Variants in DPYD observed in about 807,000 individuals in gnomAD.
DPYD encodes the protein dihydropyrimidine dehydrogenase [NADP(+)].
DPYD carries 109 observed loss-of-function variants against 116.2 expected under a neutral mutation model. The observed-to-expected ratio is 0.94, with a 90% CI of 0.80 to 1.10. DPYD has a LOEUF of 1.10. DPYD is among the 50% of genes least tolerant of loss of function. The pLI is 0.00. For synonymous variants in DPYD, 440 were observed against 432.0 expected, an observed-to-expected ratio of 1.02 and a Z score of -0.23; for missense variants, 1,302 against 1,254.5, an observed-to-expected ratio of 1.04 and a Z score of -0.57.
At position 97,176,810 on chromosome 1, in the gene DPYD, C is replaced by T. The variant is rs558625978; in HGVS notation, c.2622+16259G>A. ...TGGCTTCAGGGGTCAAATGACCATA[C>T]AACAATATGAGAGCCAGAGATGGAA... On this transcript the variant is annotated intron_variant, in intron 20 of 22. Coordinates refer to ENST00000370192, the MANE Select transcript of DPYD (RefSeq NM_000110.4). Among the ~76,000 whole-genome samples the T allele has an allele frequency of 4.0e-5, 6 of 150,140 alleles. No individual in the cohort carries two copies. The South Asian group carries it at 8.5e-4, about 21-fold the overall frequency.
chr1:97,473,672 A>G (rs1447792696), intron 13 of DPYD, among the ~76,000 whole-genome samples: 2 of 152,198 alleles, frequency 1.3e-5, no homozygotes, highest in East Asian at 3.9e-4. Context: ...GGGAATCCTC[A>G]TACACTATTG....
At chr1:97,514,734 G>A (rs964399652) in intron 13 of DPYD, among the ~76,000 whole-genome samples, 1 of 151,238 alleles carries the variant, frequency 6.6e-6, no homozygotes. Context: ...TGACTTTTGA[G>A]AATTCTCTAG....
At chr1:97,813,635 CTAAA>C (rs1309947223) in intron 3 of DPYD, among the ~76,000 whole-genome samples, 18 of 152,156 alleles carry the variant, frequency 1.2e-4, no homozygotes, top group African/African-American at 4.1e-4. Flanking sequence ...TGGAAGATCT[CTAAA>C]TAAAATTACT....
intron 20 of DPYD, among the ~76,000 whole-genome samples, chr1:97,130,777 CTT>C (rs67473248): frequency 3.1e-5 from 1 of 32,748 alleles, no homozygotes; most frequent in Non-Finnish European, 5.9e-5. Context: ...TCCTTCCTTC[CTT>C]TCCTTCCCTC....
intron 3 of DPYD, among the ~76,000 whole-genome samples, chr1:97,777,566 A>T (rs1666481564): frequency 6.6e-6 from 1 of 152,216 alleles, no homozygotes; most frequent in South Asian, 2.1e-4. Flanking sequence ...AAAGCCAGCT[A>T]ACCCTAGAAC....
intron 21 of DPYD, among the ~76,000 whole-genome samples, chr1:97,091,008 G>C (rs1187545824): frequency 6.6e-6 from 1 of 152,162 alleles, no homozygotes; most frequent in Non-Finnish European, 1.5e-5. Context: ...AAGGAAAAAA[G>C]AACAAAAGAT....
intron 11 of DPYD, among the ~76,000 whole-genome samples, chr1:97,567,125 T>C (rs1054746850): frequency 6.6e-6 from 1 of 152,122 alleles, no homozygotes; most frequent in Non-Finnish European, 1.5e-5. Context: ...CTTGCCTAAC[T>C]GGCAATTTCT....
intron 12 of DPYD, among the ~76,000 whole-genome samples, chr1:97,520,204 C>A (rs1231503119): frequency 6.6e-6 from 1 of 152,072 alleles, no homozygotes; most frequent in Non-Finnish European, 1.5e-5. Context: ...ACAAAACAGA[C>A]AAGGTCTCTG....
chr1:97,790,984 CTTT>C (rs1021068661), intron 3 of DPYD, among the ~76,000 whole-genome samples: 9 of 152,078 alleles, frequency 5.9e-5, no homozygotes, highest in East Asian at 5.8e-4. Flanking sequence ...CTTATAGCTT[CTTT>C]ATTAATTTTT....
intron 10 of DPYD, among the ~76,000 whole-genome samples, chr1:97,582,939 CTT>C (rs1185788261): frequency 6.6e-6 from 1 of 152,066 alleles, no homozygotes; most frequent in Non-Finnish European, 1.5e-5. Flanking sequence ...AAATACATCT[CTT>C]TTAACAAGTA....
At chr1:97,311,062 T>C (rs1667485066) in intron 16 of DPYD, among the ~76,000 whole-genome samples, 1 of 151,762 alleles carries the variant, frequency 6.6e-6, no homozygotes, top group Non-Finnish European at 1.5e-5. Flanking sequence ...AGAGCAGTGG[T>C]TGCTGAGACT....
intron 12 of DPYD, among the ~76,000 whole-genome samples, chr1:97,516,384 T>C (rs903683371): frequency 7.2e-5 from 11 of 152,006 alleles, no homozygotes; most frequent in Admixed American, 3.3e-4. Context: ...GAAAGGGAAC[T>C]AATAAGTCCC....
intron 19 of DPYD, among the ~76,000 whole-genome samples, chr1:97,220,283 G>GC (rs1660696592): frequency 6.6e-6 from 1 of 152,074 alleles, no homozygotes; most frequent in South Asian, 2.1e-4. Context: ...GCAAGCACAG[G>GC]CCCCTCATCA....
At chr1:97,745,315 G>C (rs959645235) in intron 3 of DPYD, among the ~76,000 whole-genome samples, 1 of 152,016 alleles carries the variant, frequency 6.6e-6, no homozygotes, top group African/African-American at 2.4e-5. Flanking sequence ...ATGTTTTGAG[G>C]CTTTTGATAT....
chr1:97,765,032 C>T (rs1457439223), intron 3 of DPYD, among the ~76,000 whole-genome samples: 1 of 152,098 alleles, frequency 6.6e-6, no homozygotes, highest in Admixed American at 6.6e-5. Context: ...TACTACCAGG[C>T]CAATCTTCTT....
chr1:97,475,935 G>C (rs1421629780), intron 13 of DPYD, among the ~76,000 whole-genome samples: 1 of 152,168 alleles, frequency 6.6e-6, no homozygotes, highest in East Asian at 1.9e-4. Context: ...ATACATTGTT[G>C]AGTTTGATTA....
chr1:97,330,247 T>C (rs56206002), intron 16 of DPYD, among the ~76,000 whole-genome samples: 11 of 152,116 alleles, frequency 7.2e-5, no homozygotes, highest in African/African-American at 1.9e-4. Context: ...AAATTGAAAA[T>C]TGAAAAGATG....
intron 8 of DPYD, among the ~76,000 whole-genome samples, chr1:97,637,844 A>G (rs1657660651): frequency 2.0e-5 from 3 of 152,122 alleles, no homozygotes; most frequent in Middle Eastern, 3.2e-3. Flanking sequence ...ATTTTGTGCA[A>G]ATCTATACTA....
chr1:97,829,969 A>G (rs768460217), intron 2 of DPYD, among the ~76,000 whole-genome samples: 3 of 151,786 alleles, frequency 2.0e-5, no homozygotes, highest in Non-Finnish European at 2.9e-5. Context: ...TCATTGGTCA[A>G]TTCTCACCTA....
Sources: gnomAD v4.1 joint callset for allele counts (sites outside exome capture counted in the v4.1 genomes callset) on GRCh38, gnomAD v4.1.1 for gene constraint, MANE v1.5 for transcripts, NCBI Gene and HGNC (gene_info 2026-07-23, HGNC 2026-07-21) for gene names.